The following DRC11 variants were observed in gnomAD, a reference collection of about 807,000 sequenced individuals.
DRC11 encodes dynein regulatory complex subunit 11.
chr2:236,459,487 G>A, the DRC11 span, among the ~76,000 whole-genome samples: 1 of 132,200 alleles, frequency 7.6e-6, no homozygotes, highest in South Asian at 2.3e-4. Context: ...TAAAAAATAT[G>A]TATACGTATA....
chr2:236,464,805 T>C, the DRC11 span, among the ~76,000 whole-genome samples: 1 of 151,900 alleles, frequency 6.6e-6, no homozygotes, highest in African/African-American at 2.4e-5. Context: ...GATCTGGTTG[T>C]TTAAAAGTAT....
At chr2:236,455,284 G>A in the DRC11 span, among the ~76,000 whole-genome samples, 5 of 152,160 alleles carry the variant, frequency 3.3e-5, no homozygotes, top group Admixed American at 6.5e-5. This position sits in a 1 kb window ranked among gnomAD's most constrained non-coding sequence, Gnocchi z 5.7. Flanking sequence ...TTCCAGCCTC[G>A]CCTATTATGA....
At chr2:236,494,503 T>C in the DRC11 span, among the ~76,000 whole-genome samples, 418 of 152,264 alleles carry the variant, frequency 2.7e-3, 7 homozygotes, top group Middle Eastern at 3.4e-3. The surrounding 1 kb of genome is among the most constrained non-coding windows in gnomAD (Gnocchi z 4.2). Flanking sequence ...TCAAATTGAG[T>C]AAAAAGGAGT....
the DRC11 span, among the ~76,000 whole-genome samples, chr2:236,407,548 TATATAA>T: frequency 6.6e-6 from 1 of 152,174 alleles, no homozygotes; most frequent in Non-Finnish European, 1.5e-5. Context: ...AATCTTTCTC[TATATAA>T]ATATAAAAGG....
chr2:236,481,559 G>C, the DRC11 span, among the ~76,000 whole-genome samples: 14 of 152,048 alleles, frequency 9.2e-5, no homozygotes, highest in East Asian at 9.9e-4. Flanking sequence ...TTTTCTGTTG[G>C]GGGGAGTGAA....
the DRC11 span, among the ~76,000 whole-genome samples, chr2:236,459,854 A>G: frequency 6.6e-6 from 1 of 152,000 alleles, no homozygotes; most frequent in African/African-American, 2.4e-5. Context: ...ACATTGGGAA[A>G]AAAACTTCAT....
the DRC11 span, chr2:236,344,617 C>T: frequency 1.4e-5 from 22 of 1,613,728 alleles, no homozygotes; most frequent in Admixed American, 1.7e-5. Flanking sequence ...CAATCCACAC[C>T]ACGGAGGGCT....
chr2:236,423,434 A>G, the DRC11 span, among the ~76,000 whole-genome samples: 1 of 152,272 alleles, frequency 6.6e-6, no homozygotes, highest in African/African-American at 2.4e-5. Context: ...TATGCAGCCA[A>G]ACGACACATG....
chr2:236,469,426 A>G, the DRC11 span, among the ~76,000 whole-genome samples: 1 of 152,124 alleles, frequency 6.6e-6, no homozygotes, highest in South Asian at 2.1e-4. The surrounding 1 kb of genome is among the most constrained non-coding windows in gnomAD (Gnocchi z 5.8). Flanking sequence ...CACATCTGTT[A>G]TTTGAGGTAA....
chr2:236,365,713 G>T, the DRC11 span, among the ~76,000 whole-genome samples: 1 of 152,068 alleles, frequency 6.6e-6, no homozygotes, highest in Non-Finnish European at 1.5e-5. The surrounding 1 kb of genome is among the most constrained non-coding windows in gnomAD (Gnocchi z 7.4). Context: ...GGTCACCAAG[G>T]TCACCCAGAG....
the DRC11 span, among the ~76,000 whole-genome samples, chr2:236,437,704 AT>A: frequency 3.3e-3 from 502 of 151,748 alleles, 1 homozygote; most frequent in African/African-American, 0.011. Flanking sequence ...GATGCTGAGC[AT>A]TTTTTCATGT....
At chr2:236,433,182 C>T in the DRC11 span, among the ~76,000 whole-genome samples, 1 of 152,088 alleles carries the variant, frequency 6.6e-6, no homozygotes, top group South Asian at 2.1e-4. Context: ...AAAGCTAGTT[C>T]CTCCTCACTA....
chr2:236,497,474 T>C, the DRC11 span: 1 of 1,607,256 alleles, frequency 6.2e-7, no homozygotes, highest in East Asian at 2.2e-5. The surrounding 1 kb of genome is among the most constrained non-coding windows in gnomAD (Gnocchi z 5.1). Context: ...TGATGCCACA[T>C]CTTATTATAC....
the DRC11 span, chr2:236,408,755 G>A: frequency 2.1e-5 from 14 of 680,558 alleles, no homozygotes; most frequent in African/African-American, 1.1e-4. This position sits in a 1 kb window ranked among gnomAD's most constrained non-coding sequence, Gnocchi z 5.5. Context: ...TGTACTGAGC[G>A]AAGATGGTCT....
chr2:236,430,876 T>C, the DRC11 span, among the ~76,000 whole-genome samples: 2 of 152,182 alleles, frequency 1.3e-5, no homozygotes, highest in Non-Finnish European at 2.9e-5. This position sits in a 1 kb window ranked among gnomAD's most constrained non-coding sequence, Gnocchi z 6.0. Flanking sequence ...CTTTTGTTTT[T>C]TCAAGAAGCC....
the DRC11 span, among the ~76,000 whole-genome samples, chr2:236,432,469 T>C: frequency 2.0e-5 from 3 of 152,216 alleles, no homozygotes; most frequent in African/African-American, 4.8e-5. Context: ...GTAGTTTTAA[T>C]TTGCATTTCT....
chr2:236,428,637 G>A, the DRC11 span, among the ~76,000 whole-genome samples: 1 of 151,974 alleles, frequency 6.6e-6, no homozygotes, highest in Non-Finnish European at 1.5e-5. Context: ...TAAAGGTAAA[G>A]TTAATCTCTT....
At chr2:236,389,315 C>T in the DRC11 span, among the ~76,000 whole-genome samples, 1 of 152,238 alleles carries the variant, frequency 6.6e-6, no homozygotes, top group Non-Finnish European at 1.5e-5. Context: ...ACCAGCGAGA[C>T]TCCATGGGCG....
At chr2:236,322,752 C>T in the DRC11 span, among the ~76,000 whole-genome samples, 1 of 152,292 alleles carries the variant, frequency 6.6e-6, no homozygotes, top group South Asian at 2.1e-4. Context: ...ACTCTAACGC[C>T]GTCCTGCCCA....
Sources: allele counts gnomAD v4.1 joint callset (sites outside exome capture counted in the v4.1 genomes callset), GRCh38; gene constraint gnomAD v4.1.1; non-coding constraint Gnocchi (gnomAD v3.1); transcripts MANE v1.5; gene names NCBI Gene and HGNC (gene_info 2026-07-23, HGNC 2026-07-21).